ISM1: variants seen among roughly 807,000 people sequenced by gnomAD.
ISM1 encodes the protein isthmin 1, also known as isthmin-1.
Under a neutral mutation model 46.3 loss-of-function variants are expected in ISM1, and 25 were observed. The ratio of observed to expected loss-of-function variants is 0.54; its 90% CI spans 0.39 to 0.75. The LOEUF (loss-of-function observed/expected upper bound fraction) is 0.75, where lower values mean the gene tolerates loss of function less well. Among genes scored for constraint, ISM1 ranks in the 30% least tolerant of loss-of-function variants. The pLI is 0.00. For synonymous variants in ISM1, 255 were observed against 256.7 expected (o/e 0.99, Z 0.06); for missense variants, 536 against 625.4 (o/e 0.86, Z 1.52).
At position 13,221,673 on chromosome 20, in the gene ISM1, G is replaced by C. The variant is rs1390023947; in HGVS notation, c.-104G>C. 4 of 1,029,118 alleles carry C rather than the reference G, an allele frequency of 3.9e-6. No homozygotes were observed. The highest frequency in any genetic ancestry group is 1.7e-5 in the African/African-American group (1 of 58,900). 63.7% of individuals were successfully genotyped at this position (1,029,118 alleles called of 1,614,324 possible). Reference sequence around the variant, plus strand: ...GGAGCCCTGGCGGGAGCCGAGGCGGGAGCCGCGCTGCCGGGCTCCCGGGCT... The same window carrying C: ...GGAGCCCTGGCGGGAGCCGAGGCGGCAGCCGCGCTGCCGGGCTCCCGGGCT... On this transcript the variant is annotated 5_prime_UTR_variant, in exon 1 of 6. Transcript: ENST00000262487.
chr20:13,271,585 G>A (rs2040116251), intron 2 of ISM1, among the ~76,000 whole-genome samples: 1 of 152,152 alleles, frequency 6.6e-6, no homozygotes, highest in Non-Finnish European at 1.5e-5. Flanking sequence ...AAGTCACATG[G>A]CAGTAAATAG....
In ISM1 at chr20:13,279,661, G is replaced by A. The variant is rs1421463937; in HGVS notation, c.406G>A (p.Asp136Asn). ...QVTIEVVDGP[D>N]SEADKDQHPE... is the part of the protein sequence containing the mutation. ...CACCATAGAGGTGGTCGACGGTCCT[G>A]ACTCTGAAGCAGATAAAGATCAGCA... The change falls in exon 3 of 6, where the codon GAC becomes AAC. Residue 136 changes from aspartate (D) to asparagine (N), a missense_variant. Transcript: ENST00000262487. 7 of 1,613,858 alleles carry A rather than the reference G, an allele frequency of 4.3e-6. No homozygotes were observed. The Admixed American group carries it at 1.0e-4, about 23-fold the overall frequency.
chr20:13,294,390 A>T (rs948213758), intron 5 of ISM1, among the ~76,000 whole-genome samples: 2 of 152,148 alleles, frequency 1.3e-5, no homozygotes, highest in African/African-American at 2.4e-5. Flanking sequence ...AATAGAAATG[A>T]CTTTAAAGGC....
At chr20:13,319,023 T>G in the ISM1 span, among the ~76,000 whole-genome samples, 1 of 152,168 alleles carries the variant, frequency 6.6e-6, no homozygotes, top group African/African-American at 2.4e-5. Context: ...GAACTCTGGG[T>G]GATAATGATG....
chr20:13,241,680 T>C lies in ISM1; in HGVS notation c.138+19766T>C, dbSNP rs141212204. On this transcript the variant is annotated intron_variant, in intron 1 of 5. Coordinates refer to ENST00000262487, the MANE Select transcript of ISM1 (RefSeq NM_080826.2). ...GTAGGACGTTTGAGGAGAGAAGATA[T>C]AAAATGGTCATCTTGGATACTGGAG... Among the ~76,000 whole-genome samples, 914 of 152,202 alleles carry C rather than the reference T, an allele frequency of 6.0e-3. 10 individuals carry two copies. Among genetic ancestry groups the C allele is most frequent in the African/African-American group, 0.021 (852 of 41,516 alleles).
the ISM1 span, among the ~76,000 whole-genome samples, chr20:13,312,666 G>A: frequency 1.3e-5 from 2 of 152,272 alleles, no homozygotes; most frequent in East Asian, 3.9e-4. Context: ...AGGGAGCCAA[G>A]GAGACATAAT....
At chr20:13,312,760 G>A in the ISM1 span, among the ~76,000 whole-genome samples, 2 of 152,158 alleles carry the variant, frequency 1.3e-5, no homozygotes, top group Admixed American at 1.3e-4. Flanking sequence ...ATCACACTTA[G>A]TCATCTTTAC....
intron 1 of ISM1, among the ~76,000 whole-genome samples, chr20:13,248,430 T>C (rs568378266): frequency 2.2e-4 from 34 of 151,810 alleles, no homozygotes; most frequent in Admixed American, 2.1e-3. Flanking sequence ...GAGGAAGCTA[T>C]TTTTTTAATG....
chr20:13,316,209 C>A, the ISM1 span, among the ~76,000 whole-genome samples: 1 of 151,746 alleles, frequency 6.6e-6, no homozygotes, highest in African/African-American at 2.4e-5. Context: ...TGGATCAATT[C>A]CTGGAAAAAC....
rs2040219905 is a variant in ISM1, at chr20:13,279,879, C to A, written c.624C>A (p.Thr208=). Residue 208 remains threonine (T), a synonymous_variant, in exon 3 of 6, where the codon ACC becomes ACA. Transcript: ENST00000262487. ...CCCCAGGCCACCGGACTTTTGAAAC[C>A]AAAGATCAGCCAGAATATGGTGAGT... is the stretch of plus-strand genomic sequence containing the variant. ...HTAPGHRTFE[T]KDQPEYDSTD... 1.9e-6 allele frequency: 3 copies of A among 1,613,842 alleles called. No homozygotes were observed. Among genetic ancestry groups the A allele is most frequent in the Admixed American group, 1.7e-5 (1 of 60,022 alleles).
At position 13,224,579 on chromosome 20, in the gene ISM1, T is replaced by C. The variant is rs537795833; in HGVS notation, c.138+2665T>C. On this transcript the variant is annotated intron_variant, in intron 1 of 5. Transcript: ENST00000262487. ...CAGAAAATTAATCAATCCATATACA[T>C]CATTTTTATTGTTTTTATCTCTGTG... Among the ~76,000 whole-genome samples the C allele has an allele frequency of 2.0e-5, 3 of 152,328 alleles. No homozygotes were observed. In the South Asian group the frequency reaches 6.2e-4, roughly 32 times the overall value.
At chr20:13,234,868 T>C (rs999836365) in intron 1 of ISM1, among the ~76,000 whole-genome samples, 1 of 152,172 alleles carries the variant, frequency 6.6e-6, no homozygotes, top group Non-Finnish European at 1.5e-5. Context: ...CTTTATCAGA[T>C]GCAAATATTT....
the ISM1 span, among the ~76,000 whole-genome samples, chr20:13,313,510 T>C: frequency 6.6e-6 from 1 of 152,184 alleles, no homozygotes; most frequent in South Asian, 2.1e-4. Context: ...CACTTTCCTT[T>C]TTCTTCCACC....
intron 3 of ISM1, among the ~76,000 whole-genome samples, chr20:13,285,849 T>C (rs974485992): frequency 1.3e-5 from 2 of 152,228 alleles, no homozygotes; most frequent in South Asian, 2.1e-4. Flanking sequence ...CATAGTTTAA[T>C]GCTAAAATCT....
At chr20:13,224,346 C>T (rs546723641) in intron 1 of ISM1, among the ~76,000 whole-genome samples, 3 of 152,292 alleles carry the variant, frequency 2.0e-5, no homozygotes, top group African/African-American at 7.2e-5. Context: ...GAATGTTCTG[C>T]CAAATGAGGA....
intron 2 of ISM1, 40 bp from the exon 3 acceptor site, chr20:13,279,594 T>C (rs755675353): frequency 8.9e-6 from 14 of 1,580,280 alleles, no homozygotes; most frequent in Non-Finnish European, 1.1e-5. Flanking sequence ...TTGGAGGCTG[T>C]TGACTCCACA....
chr20:13,270,470 C>G (rs1470037744), intron 1 of ISM1, 34 bp from the exon 2 acceptor site: 1 of 1,583,658 alleles, frequency 6.3e-7, no homozygotes, highest in Non-Finnish European at 8.6e-7. Context: ...TCATGTGTCT[C>G]CTTAACAGGT....
intron 1 of ISM1, among the ~76,000 whole-genome samples, chr20:13,242,185 G>A (rs1244411153): frequency 6.6e-6 from 1 of 152,076 alleles, no homozygotes; most frequent in East Asian, 1.9e-4. Context: ...AGGTGAGGAG[G>A]TCCAAGAACT....
intron 1 of ISM1, among the ~76,000 whole-genome samples, chr20:13,258,175 T>C (rs1250296479): frequency 6.6e-6 from 1 of 152,154 alleles, no homozygotes; most frequent in Non-Finnish European, 1.5e-5. Context: ...CTCCATCCTA[T>C]TTATTTCTTG....
Sources: allele counts gnomAD v4.1 joint callset (sites outside exome capture counted in the v4.1 genomes callset), GRCh38; gene constraint gnomAD v4.1.1; transcripts MANE v1.5; gene names NCBI Gene and HGNC (gene_info 2026-07-23, HGNC 2026-07-21).